Variants in KRT33A observed in about 807,000 individuals in gnomAD.
KRT33A encodes keratin 33A, also known as keratin, type I cuticular Ha3-I.
KRT33A carries 44 observed loss-of-function variants against 41.1 expected under a neutral mutation model. That is an observed-to-expected ratio of 1.07 (90% CI 0.84 to 1.38). The LOEUF (loss-of-function observed/expected upper bound fraction) is 1.38, where lower values mean the gene tolerates loss of function less well. Ranked by LOEUF, KRT33A falls within the 40% of genes most tolerant of loss-of-function variation. The pLI is 0.00. For synonymous variants in KRT33A, 229 were observed against 227.8 expected (o/e 1.01, Z -0.05); for missense variants, 536 against 518.5 (o/e 1.03, Z -0.33).
chr17:41,348,360 T>G, intron 3 of KRT33A, 123 bp downstream of exon 3: 2 of 997,504 alleles, frequency 2.0e-6, no homozygotes, highest in South Asian at 1.5e-5. Context: ...TACATATCCC[T>G]TTTTGTATGC....
chr17:41,349,525 T>C, intron 1 of KRT33A, 97 bp from the exon 2 acceptor site: 1 of 1,233,638 alleles, frequency 8.1e-7, no homozygotes, highest in Non-Finnish European at 1.2e-6. Flanking sequence ...GATCAGGATG[T>C]CTATCTTATT....
At position 41,346,509 on chromosome 17, in the gene KRT33A, G is replaced by A. The variant is rs552619720; in HGVS notation, c.1036C>T (p.Arg346Trp). The change falls in exon 6 of 7, where the codon CGG becomes TGG. Residue 346 changes from arginine (R) to tryptophan (W), a missense_variant. Coordinates refer to ENST00000007735, the MANE Select transcript of KRT33A (RefSeq NM_004138.4). The part of the protein sequence containing the change: ...NQEYQVLLDV[R>W]ARLECEINTY... Reference sequence around the variant, plus strand: ...TTGATCTCACACTCCAGCCGCGCCCGCACGTCCAGCAGCACCTGATACTCC... The same window carrying A: ...TTGATCTCACACTCCAGCCGCGCCCACACGTCCAGCAGCACCTGATACTCC... 36 of 1,613,702 alleles carry A rather than the reference G, an allele frequency of 2.2e-5. No homozygotes were observed. The highest frequency in any genetic ancestry group is 1.6e-4 in the African/African-American group (12 of 74,896).
rs1412385595 is a variant in KRT33A, at chr17:41,350,592, G to A, written c.176C>T (p.Thr59Ile). ...CAGGCGGTCGTTCAGGAACTGCATG[G>A]TCTCCTTCTCACTGCCATTGAAGGA... ...EGSFNGSEKE[T>I]MQFLNDRLAS... Residue 59 changes from threonine (T) to isoleucine (I), a missense_variant, in exon 1 of 7, where the codon ACC (threonine) becomes ATC (isoleucine). Physicochemically the swap from Thr to Ile is moderately conservative, Grantham distance 89. Transcript: ENST00000007735. 6.8e-6 allele frequency: 11 copies of A among 1,613,252 alleles called. No homozygotes were observed. In the East Asian group the frequency reaches 8.9e-5, roughly 13 times the overall value.
At position 41,350,429 on chromosome 17, in the gene KRT33A, G is replaced by A; in HGVS notation, c.339C>T (p.Leu113=). Residue 113 remains leucine (L), a synonymous_variant, in exon 1 of 7, where the codon CTC becomes CTT. Transcript: ENST00000007735. ...GTCGCCCACTCCTCACCTTCTGCTGGAGCTCCTCAATGGTCTTGAAGTAGG... is the reference window on the plus strand; with the variant it reads ...GTCGCCCACTCCTCACCTTCTGCTGAAGCTCCTCAATGGTCTTGAAGTAGG... ...YQSYFKTIEE[L]QQKILCSKSE... 1 of 1,613,274 alleles carries A rather than the reference G, an allele frequency of 6.2e-7. No individual in the cohort carries two copies. Among genetic ancestry groups the A allele is most frequent in the Non-Finnish European group, 8.5e-7 (1 of 1,179,382 alleles).
chr17:41,348,939 A>G (rs1216008083), intron 2 of KRT33A, among the ~76,000 whole-genome samples: 1 of 152,114 alleles, frequency 6.6e-6, no homozygotes, highest in East Asian at 1.9e-4. Flanking sequence ...ACTGCCCTCC[A>G]GCCTGGGTGA....
rs1049899187 is a variant in KRT33A at position 41,350,771 on chromosome 17, G to A, written c.-4C>T. ...GCAGGCCACAACTGTAAGACATGGT[G>A]CAGGGAGGGAGTGTCCAGCTGAAGA... On this transcript the variant is annotated 5_prime_UTR_variant, in exon 1 of 7. Transcript: ENST00000007735. The A allele has an allele frequency of 3.1e-6, 5 of 1,609,200 alleles. 1 individual carries two copies. Among genetic ancestry groups the A allele is most frequent in the African/African-American group, 2.7e-5 (2 of 73,740 alleles).
chr17:41,350,701 G>C lies in KRT33A; in HGVS notation c.67C>G (p.Pro23Ala), dbSNP rs772542982. ...RTSCSSRPCV[P>A]PSCHGCTLPG... ...AGGGTGCAGCCGTGGCAGCTGGGGG[G>C]CACACAGGGCCGGGAGGAGCAGCTG... The change falls in exon 1 of 7, where the codon CCC (proline) becomes GCC (alanine). Residue 23 changes from proline to alanine, a missense_variant. Physicochemically the swap from Pro to Ala is conservative, Grantham distance 27. Transcript: ENST00000007735. 4 of 1,612,242 alleles carry C rather than the reference G, an allele frequency of 2.5e-6. No individual in the cohort carries two copies. Among genetic ancestry groups the C allele is most frequent in the South Asian group, 1.1e-5 (1 of 91,040 alleles).
At position 41,350,665 on chromosome 17, in the gene KRT33A, A is replaced by C. The variant is rs1382786293; in HGVS notation, c.103T>G (p.Cys35Gly). The C allele has an allele frequency of 6.2e-7, 1 of 1,612,124 alleles. No homozygotes were observed. The highest frequency in any genetic ancestry group is 8.5e-7 in the Non-Finnish European group (1 of 1,180,002). The change falls in exon 1 of 7, where the codon TGC becomes GGC. Residue 35 changes from cysteine (C) to glycine (G), a missense_variant. Coordinates refer to ENST00000007735, the MANE Select transcript of KRT33A (RefSeq NM_004138.4). ...SCHGCTLPGACNIPANVSNCN... is the reference protein window; with the variant it reads ...SCHGCTLPGAGNIPANVSNCN... ...TTGCTCACATTGGCGGGGATGTTGC[A>C]GGCCCCGGGCAGGGTGCAGCCGTGG...
At position 41,348,588 on chromosome 17, in the gene KRT33A, G is replaced by A; in HGVS notation, c.483C>T (p.Gly161=). The stretch of plus-strand genomic sequence containing the variant: ...TCAGCTCATCCAGGATCCTGCGCAG[G>A]CCATTGATGTCCGACTCCACCAGCT... ...LRQLVESDIN[G]LRRILDELTL... The change falls in exon 3 of 7, where the codon GGC becomes GGT. Residue 161 remains glycine (G), a synonymous_variant. Transcript: ENST00000007735. 2 of 1,614,052 alleles carry A rather than the reference G, an allele frequency of 1.2e-6. No individual in the cohort carries two copies. The highest frequency in any genetic ancestry group is 8.5e-7 in the Non-Finnish European group (1 of 1,180,002).
intron 2 of KRT33A, among the ~76,000 whole-genome samples, chr17:41,349,017 G>A (rs557350756): frequency 6.6e-6 from 1 of 152,280 alleles, no homozygotes; most frequent in Non-Finnish European, 1.5e-5. Flanking sequence ...CTGACAAACT[G>A]TAAGACTTCC....
chr17:41,349,899 C>A (rs1241616082), intron 1 of KRT33A, among the ~76,000 whole-genome samples: 2 of 152,078 alleles, frequency 1.3e-5, no homozygotes, highest in Admixed American at 1.3e-4. Flanking sequence ...AATTTCCAAT[C>A]TTCCCAATTT....
rs2017489542 is a variant in KRT33A at position 41,350,483 on chromosome 17, C to T, written c.285G>A (p.Gln95=). 1 of 1,614,040 alleles carries T rather than the reference C, an allele frequency of 6.2e-7. No homozygotes were observed. The change falls in exon 1 of 7, where the codon CAG becomes CAA. Residue 95 remains glutamine (Q), a synonymous_variant. Transcript: ENST00000007735. ...ENLIRERSQQ[Q]EPLVCASYQS... The stretch of plus-strand genomic sequence containing the variant: ...GGTAGCTGGCACACACCAAGGGCTC[C>T]TGCTGCTGTGACCGCTCCCGGATGA...
At chr17:41,348,694 C>A in intron 2 of KRT33A, 55 bp from the exon 3 acceptor site, 1 of 1,594,560 alleles carries the variant, frequency 6.3e-7, no homozygotes, top group Non-Finnish European at 8.6e-7. Flanking sequence ...CTGGCCTTGA[C>A]TCTGCTTTGG....
intron 3 of KRT33A, 152 bp from the exon 4 acceptor site, chr17:41,347,374 A>C: frequency 1.1e-6 from 1 of 928,274 alleles, no homozygotes. Flanking sequence ...TCAATGACTA[A>C]TTTGTATACT....
intron 2 of KRT33A, 61 bp from the exon 3 acceptor site, chr17:41,348,700 T>C: frequency 6.4e-7 from 1 of 1,573,304 alleles, no homozygotes; most frequent in African/African-American, 1.4e-5. Context: ...TTGACTCTGC[T>C]TTGGTTTGGT....
intron 2 of KRT33A, among the ~76,000 whole-genome samples, chr17:41,348,942 C>G (rs1597681835): frequency 1.3e-5 from 2 of 151,984 alleles, no homozygotes; most frequent in Admixed American, 1.3e-4. Context: ...GCCCTCCAGC[C>G]TGGGTGACAG....
At chr17:41,349,524 G>T in intron 1 of KRT33A, 96 bp from the exon 2 acceptor site, 1 of 1,247,980 alleles carries the variant, frequency 8.0e-7, no homozygotes, top group Non-Finnish European at 1.2e-6. Context: ...GGATCAGGAT[G>T]TCTATCTTAT....
chr17:41,348,738 G>A, intron 2 of KRT33A, 99 bp from the exon 3 acceptor site: 1 of 1,305,788 alleles, frequency 7.7e-7, no homozygotes, highest in East Asian at 2.3e-5. Flanking sequence ...ATTAGGGTTT[G>A]TAGTTTTTAT....
intron 3 of KRT33A, 37 bp from the exon 4 acceptor site, chr17:41,347,259 G>A: frequency 6.4e-7 from 1 of 1,565,772 alleles, no homozygotes; most frequent in East Asian, 2.2e-5. Context: ...ATTTCACAAA[G>A]GATCTTGGTG....
Sources: allele counts gnomAD v4.1 joint callset (sites outside exome capture counted in the v4.1 genomes callset), GRCh38; gene constraint gnomAD v4.1.1; transcripts MANE v1.5; gene names NCBI Gene and HGNC (gene_info 2026-07-23, HGNC 2026-07-21).